Variants in DRC9 observed in about 807,000 individuals in gnomAD.
DRC9 encodes the protein dynein regulatory complex subunit 9, also known as dynein regulatory complex protein 9.
chr3:197,932,191 G>A, the DRC9 span: 2 of 1,612,762 alleles, frequency 1.2e-6, no homozygotes, highest in South Asian at 1.1e-5. Flanking sequence ...TGATGTCATA[G>A]AAATGCATTT....
At chr3:197,907,348 A>G in the DRC9 span, among the ~76,000 whole-genome samples, 1 of 152,136 alleles carries the variant, frequency 6.6e-6, no homozygotes, top group African/African-American at 2.4e-5. Context: ...CTCTCCCCCA[A>G]ATCATAGCAG....
At chr3:197,912,485 C>A in the DRC9 span, 2 of 503,128 alleles carry the variant, frequency 4.0e-6, no homozygotes, top group Non-Finnish European at 7.0e-6. Flanking sequence ...AAAATTTTAC[C>A]TGCACTCTCT....
chr3:197,890,556 A>G, the DRC9 span, among the ~76,000 whole-genome samples: 1 of 152,238 alleles, frequency 6.6e-6, no homozygotes. Context: ...TTGGTTTTAG[A>G]TAACAGTTGT....
At chr3:197,914,901 C>T in the DRC9 span, among the ~76,000 whole-genome samples, 3 of 152,052 alleles carry the variant, frequency 2.0e-5, no homozygotes, top group Non-Finnish European at 2.9e-5. Flanking sequence ...CGGGGGCTCA[C>T]GCCTGTAATC....
At chr3:197,924,184 C>T in the DRC9 span, among the ~76,000 whole-genome samples, 6 of 151,240 alleles carry the variant, frequency 4.0e-5, no homozygotes, top group African/African-American at 1.5e-4. Context: ...GGTGAAACCC[C>T]GTCTGTACTA....
At chr3:197,936,407 C>T in the DRC9 span, among the ~76,000 whole-genome samples, 1 of 152,104 alleles carries the variant, frequency 6.6e-6, no homozygotes, top group East Asian at 1.9e-4. Context: ...CACTGTCACA[C>T]ACGCTGGAGT....
At chr3:197,953,740 A>G in the DRC9 span, 1 of 548,984 alleles carries the variant, frequency 1.8e-6, no homozygotes, top group Non-Finnish European at 3.3e-6. Context: ...CTCTGTTATC[A>G]TCTGACCTAT....
At chr3:197,896,304 T>C in the DRC9 span, among the ~76,000 whole-genome samples, 1 of 151,668 alleles carries the variant, frequency 6.6e-6, no homozygotes, top group South Asian at 2.1e-4. Flanking sequence ...GATCGCACCA[T>C]TGCACTCCAG....
At chr3:197,914,031 C>G in the DRC9 span, 4 of 1,613,720 alleles carry the variant, frequency 2.5e-6, no homozygotes, top group Non-Finnish European at 3.4e-6. Flanking sequence ...TAGCAATATA[C>G]TCATTCTGAC....
the DRC9 span, among the ~76,000 whole-genome samples, chr3:197,934,976 AATG>A: frequency 6.6e-6 from 1 of 152,042 alleles, no homozygotes; most frequent in Admixed American, 6.6e-5. Context: ...GTCTCAAAAT[AATG>A]ATAATAATAA....
At chr3:197,924,766 T>C in the DRC9 span, among the ~76,000 whole-genome samples, 1 of 152,216 alleles carries the variant, frequency 6.6e-6, no homozygotes, top group Non-Finnish European at 1.5e-5. Flanking sequence ...GATCCGCCCG[T>C]CTTGGCTTCC....
the DRC9 span, among the ~76,000 whole-genome samples, chr3:197,894,196 TC>T: frequency 6.6e-6 from 1 of 152,178 alleles, no homozygotes; most frequent in African/African-American, 2.4e-5. Context: ...TATATAAAAT[TC>T]TATACCTAGC....
At chr3:197,899,717 C>T in the DRC9 span, among the ~76,000 whole-genome samples, 22 of 152,048 alleles carry the variant, frequency 1.4e-4, no homozygotes, top group East Asian at 2.1e-3. Flanking sequence ...AGTGAGAGGG[C>T]GAAATAGAAG....
chr3:197,951,978 G>C, the DRC9 span, among the ~76,000 whole-genome samples: 1 of 152,132 alleles, frequency 6.6e-6, no homozygotes, highest in Non-Finnish European at 1.5e-5. Context: ...TTAGAAGGAC[G>C]TTACTTCTGA....
the DRC9 span, chr3:197,949,702 G>A: frequency 5.1e-6 from 1 of 196,680 alleles, no homozygotes; most frequent in Non-Finnish European, 1.0e-5. Flanking sequence ...AAAGAAAAAA[G>A]AGAAGGAAGA....
chr3:197,935,430 C>T, the DRC9 span, among the ~76,000 whole-genome samples: 1 of 144,024 alleles, frequency 6.9e-6, no homozygotes, highest in East Asian at 2.0e-4. Flanking sequence ...CAGAACGAGA[C>T]TCTGTCTCCA....
chr3:197,932,803 A>ATATATATGTATTATATATATATGTATT, the DRC9 span, among the ~76,000 whole-genome samples: 1 of 138,818 alleles, frequency 7.2e-6, no homozygotes, highest in Non-Finnish European at 1.5e-5. Context: ...CTCAAAAAAT[A>ATATATATGTATTATATATATATGTATT]TATATATGTA....
the DRC9 span, among the ~76,000 whole-genome samples, chr3:197,936,463 C>T: frequency 2.0e-5 from 3 of 152,212 alleles, no homozygotes; most frequent in Admixed American, 6.5e-5. Flanking sequence ...TTCCTAGGCT[C>T]GGGTGATCCT....
chr3:197,902,855 A>G, the DRC9 span, among the ~76,000 whole-genome samples: 56 of 152,308 alleles, frequency 3.7e-4, no homozygotes, highest in South Asian at 1.4e-3. Flanking sequence ...ATGGAACCAC[A>G]AAAGACCCAG....
Sources: gnomAD v4.1 joint callset for allele counts (sites outside exome capture counted in the v4.1 genomes callset) on GRCh38, gnomAD v4.1.1 for gene constraint, MANE v1.5 for transcripts, NCBI Gene and HGNC (gene_info 2026-07-23, HGNC 2026-07-21) for gene names.